The following CNTNAP4 variants were observed in gnomAD, a reference collection of about 807,000 sequenced individuals.
The protein encoded by CNTNAP4 is contactin-associated protein-like 4.
Under a neutral mutation model 148.4 loss-of-function variants are expected in CNTNAP4, and 98 were observed. The ratio of observed to expected loss-of-function variants is 0.66; its 90% confidence interval spans 0.56 to 0.78. CNTNAP4 has a LOEUF of 0.78. Among genes scored for constraint, CNTNAP4 ranks in the 30% least tolerant of loss-of-function variants. CNTNAP4 has a pLI of 0.00. For missense variants in CNTNAP4, 1,935 were observed against 1,565.6 expected (o/e 1.24, Z -3.98); for synonymous variants, 730 against 565.1 (o/e 1.29, Z -4.14).
chr16:76,378,005 A>G (rs1039713888), intron 3 of CNTNAP4, among the ~76,000 whole-genome samples: 1 of 152,182 alleles, frequency 6.6e-6, no homozygotes, highest in East Asian at 1.9e-4. Context: ...ACCTCTCACA[A>G]CTACCAACCA....
chr16:76,510,595 T>C (rs1439331562), intron 15 of CNTNAP4, among the ~76,000 whole-genome samples: 1 of 152,170 alleles, frequency 6.6e-6, no homozygotes, highest in African/African-American at 2.4e-5. Flanking sequence ...CCTTCAGTAG[T>C]TTGCATATAT....
At chr16:76,499,002 G>T (rs939482545) in intron 15 of CNTNAP4, among the ~76,000 whole-genome samples, 1 of 151,736 alleles carries the variant, frequency 6.6e-6, no homozygotes, top group African/African-American at 2.4e-5. Flanking sequence ...TGGACATAAT[G>T]CAGTTGAACT....
intron 15 of CNTNAP4, among the ~76,000 whole-genome samples, chr16:76,515,271 C>T (rs1015228135): frequency 2.0e-5 from 3 of 152,146 alleles, no homozygotes; most frequent in South Asian, 2.1e-4. Context: ...ATGGGTGTTA[C>T]GTACTAAATT....
chr16:76,437,331 T>C (rs865986819), intron 4 of CNTNAP4, among the ~76,000 whole-genome samples: 1 of 152,102 alleles, frequency 6.6e-6, no homozygotes, highest in Non-Finnish European at 1.5e-5. Flanking sequence ...ATCAATACTT[T>C]GCATACTTCA....
intron 4 of CNTNAP4, among the ~76,000 whole-genome samples, chr16:76,428,834 T>C (rs1010520169): frequency 6.6e-5 from 10 of 152,278 alleles, no homozygotes; most frequent in African/African-American, 2.2e-4. Context: ...GTGCTTATTA[T>C]ATGCACTATT....
chr16:76,454,621 T>A (rs2080651484), intron 8 of CNTNAP4, among the ~76,000 whole-genome samples: 1 of 152,210 alleles, frequency 6.6e-6, no homozygotes, highest in African/African-American at 2.4e-5. Context: ...TATTTTTTGC[T>A]AGTTCCCGTG....
intron 1 of CNTNAP4, chr16:76,309,756 G>A: frequency 1.5e-6 from 1 of 673,232 alleles, no homozygotes; most frequent in Non-Finnish European, 2.7e-6. Context: ...TTTGGGCGGA[G>A]GGGGTGGTCC....
chr16:76,323,207 A>C (rs182175387), intron 2 of CNTNAP4, among the ~76,000 whole-genome samples: 1 of 152,258 alleles, frequency 6.6e-6, no homozygotes, highest in Admixed American at 6.5e-5. Flanking sequence ...AATGTTTGTT[A>C]TTAGATTGAA....
intron 3 of CNTNAP4, among the ~76,000 whole-genome samples, chr16:76,416,547 T>C (rs994372482): frequency 1.3e-5 from 2 of 151,376 alleles, no homozygotes; most frequent in Non-Finnish European, 3.0e-5. Context: ...TTAGGAACTT[T>C]CTAGTTATTT....
At chr16:76,482,050 C>T (rs920201648) in intron 12 of CNTNAP4, among the ~76,000 whole-genome samples, 20 of 151,208 alleles carry the variant, frequency 1.3e-4, no homozygotes, top group East Asian at 5.8e-4. Context: ...TTTTAAGAAA[C>T]GGTGGGATGC....
At chr16:76,360,950 G>A (rs1037907429) in intron 3 of CNTNAP4, among the ~76,000 whole-genome samples, 1 of 150,766 alleles carries the variant, frequency 6.6e-6, no homozygotes, top group Admixed American at 6.6e-5. Context: ...CCTAGTAGCT[G>A]GAACTACAGG....
chr16:76,283,174 A>T (rs975607492), intron 1 of CNTNAP4, among the ~76,000 whole-genome samples: 1 of 151,978 alleles, frequency 6.6e-6, no homozygotes, highest in African/African-American at 2.4e-5. Flanking sequence ...ATAGAATATC[A>T]GCTCTGCTCT....
At chr16:76,526,183 A>G (rs917547412) in intron 17 of CNTNAP4, among the ~76,000 whole-genome samples, 2 of 152,168 alleles carry the variant, frequency 1.3e-5, no homozygotes, top group Non-Finnish European at 2.9e-5. Context: ...CAGATGAAAC[A>G]GAAGAGAAAA....
rs576649689 is a variant in CNTNAP4, at chr16:76,547,867, A to G, written c.3443-5416A>G. On this transcript the variant is annotated intron_variant, in intron 21 of 23. Coordinates refer to ENST00000611870, the MANE Select transcript of CNTNAP4 (RefSeq NM_033401.5). ...TACTGAATCTCCCCAGAAGAGCTTTAGAGACAATCTTCCATCTCAAGGATA... is the reference window on the plus strand; with the variant it reads ...TACTGAATCTCCCCAGAAGAGCTTTGGAGACAATCTTCCATCTCAAGGATA... Among the ~76,000 whole-genome samples the G allele has an allele frequency of 8.1e-4, 123 of 152,374 alleles. 1 individual carries two copies. The highest frequency in any genetic ancestry group is 2.8e-3 in the African/African-American group (117 of 41,592).
intron 4 of CNTNAP4, among the ~76,000 whole-genome samples, chr16:76,431,937 G>A (rs2079624236): frequency 6.6e-6 from 1 of 152,076 alleles, no homozygotes; most frequent in Non-Finnish European, 1.5e-5. Flanking sequence ...TTGAGTTCAA[G>A]GGCCTTTGAT....
At chr16:76,280,089 A>T (rs1471828347) in intron 1 of CNTNAP4, among the ~76,000 whole-genome samples, 1 of 152,218 alleles carries the variant, frequency 6.6e-6, no homozygotes, top group African/African-American at 2.4e-5. Flanking sequence ...GTCAGTCTTG[A>T]CTACCAATAG....
intron 3 of CNTNAP4, among the ~76,000 whole-genome samples, chr16:76,392,326 T>C (rs1470470182): frequency 6.6e-6 from 1 of 152,092 alleles, no homozygotes; most frequent in Non-Finnish European, 1.5e-5. Context: ...AGAGTTACGT[T>C]AGGAAAATGT....
chr16:76,314,397 C>T (rs9939792), intron 1 of CNTNAP4, among the ~76,000 whole-genome samples: 74,068 of 151,930 alleles, frequency 0.49, 18,458 homozygotes, highest in African/African-American at 0.57. Flanking sequence ...AGGGCATTCA[C>T]GAAAGTAGGA....
chr16:76,304,760 CT>C (rs1430776102), intron 1 of CNTNAP4, among the ~76,000 whole-genome samples: 1 of 152,098 alleles, frequency 6.6e-6, no homozygotes, highest in East Asian at 1.9e-4. Flanking sequence ...GGCACAAAAT[CT>C]GAAAAAATTA....
Sources: gnomAD v4.1 joint callset for allele counts (sites outside exome capture counted in the v4.1 genomes callset) on GRCh38, gnomAD v4.1.1 for gene constraint, MANE v1.5 for transcripts, NCBI Gene and HGNC (gene_info 2026-07-23, HGNC 2026-07-21) for gene names.